Variants in NLRP1 observed in about 807,000 individuals in gnomAD.
NLRP1 encodes the protein NLR family pyrin domain containing 1.
In NLRP1, 94 loss-of-function variants were observed where a neutral mutation model predicts 136.7. That is an observed-to-expected ratio of 0.69 (90% CI 0.58 to 0.82). The LOEUF (loss-of-function observed/expected upper bound fraction) is 0.82, where lower values mean the gene tolerates loss of function less well. Among genes scored for constraint, NLRP1 ranks in the 40% least tolerant of loss-of-function variants. The probability of loss-of-function intolerance (pLI) is 0.00; values close to 1 mark genes in which losing one functional copy is unlikely to be tolerated. For synonymous variants in NLRP1, 690 were observed against 725.1 expected (o/e 0.95, Z 0.78); for missense variants, 1,575 against 1,802.7 (o/e 0.87, Z 2.29).
Position 5,558,690 on chromosome 17 carries a change from G to A in NLRP1, c.2006C>T (p.Ser669Leu). The A allele has an allele frequency of 6.2e-7, 1 of 1,614,154 alleles. No individual in the cohort carries two copies. Among genetic ancestry groups the A allele is most frequent in the Non-Finnish European group, 8.5e-7 (1 of 1,180,018 alleles). ...AYGIHGLFGA[S>L]TTRFLLGLLS... is the part of the protein sequence containing the mutation. ...CAGGCCCAATAGGAAACGTGTGGTT[G>A]ATGCCCCAAACAGGCCATGTATTCC... The change falls in exon 4 of 17, where the codon TCA (serine) becomes TTA (leucine). Residue 669 changes from serine (S) to leucine (L), a missense_variant. Transcript: ENST00000572272.
intron 3 of NLRP1, among the ~76,000 whole-genome samples, chr17:5,571,624 T>C (rs1288316306): frequency 1.1e-4 from 16 of 152,122 alleles, no homozygotes; most frequent in Admixed American, 1.0e-3. Context: ...TGGAAAACAT[T>C]CCATGCTCAT....
intron 12 of NLRP1, among the ~76,000 whole-genome samples, chr17:5,522,216 C>T (rs896770819): frequency 2.0e-5 from 3 of 152,218 alleles, no homozygotes; most frequent in Non-Finnish European, 4.4e-5. Flanking sequence ...CTTGGGGGAG[C>T]CCAGTGCTAT....
rs1255587881 is a variant in NLRP1, at chr17:5,532,961, G to A, written c.3157C>T (p.Pro1053Ser). The A allele has an allele frequency of 1.2e-6, 2 of 1,613,364 alleles. No individual in the cohort carries two copies. The highest frequency in any genetic ancestry group is 1.1e-5 in the South Asian group (1 of 91,002). The change falls in exon 11 of 17, where the codon CCG becomes TCG. Residue 1053 changes from proline to serine, a missense_variant. Pro to Ser is a moderately conservative substitution (Grantham distance 74). Coordinates refer to ENST00000572272, the MANE Select transcript of NLRP1 (RefSeq NM_033004.4). ...IAEESSPEVVPVELLCVPSPA... is the reference protein window; with the variant it reads ...IAEESSPEVVSVELLCVPSPA... ...GAAGGCACGCACAAGAGTTCCACCG[G>A]TACTACCTCTGGGGAGCTTTCCTCT... is the stretch of plus-strand genomic sequence containing the variant.
intron 15 of NLRP1, among the ~76,000 whole-genome samples, chr17:5,508,209 A>G (rs1428322108): frequency 3.3e-5 from 5 of 151,864 alleles, no homozygotes; most frequent in African/African-American, 1.2e-4. Flanking sequence ...GAGGCAGGAG[A>G]ATCACTTGAA....
chr17:5,555,602 T>G lies in NLRP1; in HGVS notation c.2358-2046A>C, dbSNP rs1913948485. 3.3e-5 allele frequency among the ~76,000 whole-genome samples: 5 copies of G among 152,090 alleles called. No homozygotes were observed. In the South Asian group the frequency reaches 1.0e-3, roughly 32 times the overall value. ...CTGCCTCTAGCTGCTTGGAACTCTTTGAAGATTTCCCACCTGTCCACTGCT... is the reference window on the plus strand; with the variant it reads ...CTGCCTCTAGCTGCTTGGAACTCTTGGAAGATTTCCCACCTGTCCACTGCT... On this transcript the variant is annotated intron_variant, in intron 4 of 16. Transcript: ENST00000572272.
At position 5,514,923 on chromosome 17, in the gene NLRP1, G is replaced by A. The variant is rs377020538; in HGVS notation, c.4253C>T (p.Ala1418Val). The change falls in exon 17 of 17, where the codon GCT becomes GTT. Residue 1418 changes from alanine (A) to valine (V), a missense_variant. Ala to Val is a moderately conservative substitution (Grantham distance 64). Transcript: ENST00000572272. ...CATCTGGCTGGGCCTCGTGTTCTCA[G>A]CCAGCACCCTCTCGTACTGCTCCTG... ...LSQEQYERVL[A>V]ENTRPSQMRK... The A allele has an allele frequency of 1.3e-5, 21 of 1,614,038 alleles. No homozygotes were observed. Among genetic ancestry groups the A allele is most frequent in the Admixed American group, 1.7e-5 (1 of 60,000 alleles).
chr17:5,561,417 T>G (rs1412491376), intron 3 of NLRP1, among the ~76,000 whole-genome samples: 1 of 146,474 alleles, frequency 6.8e-6, no homozygotes, highest in African/African-American at 2.5e-5. Flanking sequence ...TCAAAAAGCA[T>G]GCCATGTGGT....
At chr17:5,550,599 C>A (rs1913227013) in intron 5 of NLRP1, among the ~76,000 whole-genome samples, 1 of 152,026 alleles carries the variant, frequency 6.6e-6, no homozygotes, top group South Asian at 2.1e-4. Context: ...GTTAGTCTAG[C>A]TAAAAGGTGT....
intron 5 of NLRP1, among the ~76,000 whole-genome samples, chr17:5,544,954 G>A (rs547635228): frequency 7.9e-5 from 12 of 152,126 alleles, no homozygotes; most frequent in South Asian, 6.2e-4. Context: ...TTATGGGAGC[G>A]GCTGTGTGTG....
Position 5,583,248 on chromosome 17 carries a change from ACT to A in NLRP1, c.272-404_272-403del, listed in dbSNP as rs556802662. ...TTATTGAGCACTTACTGTATATCAG[ACT>A]CTGTGCTAAATGTTTAACCTGGATG... On this transcript the variant is annotated intron_variant, in intron 1 of 16. Transcript: ENST00000572272. This position sits in a 1 kb window ranked among gnomAD's most constrained non-coding sequence, Gnocchi z 4.5. Among the ~76,000 whole-genome samples the A allele has an allele frequency of 4.6e-5, 7 of 152,126 alleles. No individual in the cohort carries two copies. In the South Asian group the frequency reaches 8.3e-4, roughly 18 times the overall value.
chr17:5,551,735 G>A (rs2061314779), intron 5 of NLRP1, among the ~76,000 whole-genome samples: 1 of 152,058 alleles, frequency 6.6e-6, no homozygotes, highest in African/African-American at 2.4e-5. Context: ...TAAGTATGTA[G>A]TGGTATCTTT....
downstream of NLRP1, chr17:5,512,030 CTAGTTGTTATCAAAAATTAACACCTT>C (rs1342243216): frequency 4.8e-6 from 3 of 623,136 alleles, no homozygotes; most frequent in Middle Eastern, 2.7e-4. Flanking sequence ...AATGACAGTA[CTAGTTGTTATCAAAAATTAACACCTT>C]TAGGTATTTT....
chr17:5,534,758 C>T (rs1910804886), intron 8 of NLRP1, among the ~76,000 whole-genome samples: 2 of 152,160 alleles, frequency 1.3e-5, no homozygotes, highest in Admixed American at 6.5e-5. Flanking sequence ...CCTGTAATGT[C>T]GCTTCATTGC....
intron 5 of NLRP1, among the ~76,000 whole-genome samples, chr17:5,544,208 T>C (rs570668570): frequency 9.9e-5 from 15 of 152,248 alleles, no homozygotes; most frequent in African/African-American, 3.6e-4. Flanking sequence ...TTGCCACGCT[T>C]TATCTCTGGT....
downstream of NLRP1, chr17:5,512,586 TG>T: frequency 2.0e-6 from 1 of 511,196 alleles, no homozygotes. Context: ...AGGAGATGGG[TG>T]GGTGGGGCGT....
At chr17:5,561,723 G>A (rs1219336092) in intron 3 of NLRP1, among the ~76,000 whole-genome samples, 26,836 of 87,662 alleles carry the variant, frequency 0.31, 5,365 homozygotes, top group Non-Finnish European at 0.34. Context: ...GATTACAGGC[G>A]TGAGCCACCG....
rs938192748 is a variant in NLRP1, at chr17:5,501,699, A to G, written c.*115T>C. 6 of 775,114 alleles carry G rather than the reference A, an allele frequency of 7.7e-6. No individual in the cohort carries two copies. In the East Asian group the frequency reaches 1.5e-4, roughly 19 times the overall value. The allele number at this position is 775,114 out of a possible 1,614,324, so 48.0% of individuals were successfully genotyped here. On this transcript the variant is annotated 3_prime_UTR_variant, in exon 16 of 16. Transcript: ENST00000262467. ...GCATATGATTAAGAACAAATCCTTC[A>G]AAGACCTGCCTCACCTAAGCCCATT...
chr17:5,555,411 T>G (rs1913919804), intron 4 of NLRP1, among the ~76,000 whole-genome samples: 1 of 152,134 alleles, frequency 6.6e-6, no homozygotes, highest in Non-Finnish European at 1.5e-5. Context: ...TTCAGTTCCT[T>G]GAAAATTTCT....
In NLRP1 at chr17:5,533,903, C is replaced by T. The variant is rs757205574; in HGVS notation, c.3046G>A (p.Gly1016Arg). Reference sequence around the variant, plus strand: ...CCTTGCCCCTTCAAACTACCTGATCCGAGTCTCTGCCGCTTGAGTGAGGAT... The same window carrying T: ...CCTTGCCCCTTCAAACTACCTGATCTGAGTCTCTGCCGCTTGAGTGAGGAT... The part of the protein sequence containing the change: ...STSSLKRQRL[G>R]SERAASHVAQ... The change falls in exon 9 of 17, where the codon GGA becomes AGA. Residue 1016 changes from glycine (G) to arginine (R), a missense_variant. Transcript: ENST00000572272. 1.2e-5 allele frequency: 20 copies of T among 1,608,042 alleles called. No individual in the cohort carries two copies. In the East Asian group the frequency reaches 2.5e-4, roughly 20 times the overall value.
Sources: allele counts gnomAD v4.1 joint callset (sites outside exome capture counted in the v4.1 genomes callset), GRCh38; gene constraint gnomAD v4.1.1; non-coding constraint Gnocchi (gnomAD v3.1); transcripts MANE v1.5; gene names NCBI Gene and HGNC (gene_info 2026-07-23, HGNC 2026-07-21).